DPY19L2: variants seen among roughly 807,000 people sequenced by gnomAD.
DPY19L2 encodes probable C-mannosyltransferase DPY19L2.
In DPY19L2, 34 loss-of-function variants were observed where a neutral mutation model predicts 97.9. The observed-to-expected ratio is 0.35, with a 90% CI of 0.26 to 0.46. DPY19L2 has a LOEUF of 0.46. Among genes scored for constraint, DPY19L2 ranks in the 20% least tolerant of loss-of-function variants. DPY19L2 has a pLI of 1.00. For missense variants in DPY19L2, 623 were observed against 911.4 expected (o/e 0.68, Z 4.07); for synonymous variants, 230 against 307.9 (o/e 0.75, Z 2.65).
chr12:63,633,794 G>A (rs1891142527), intron 6 of DPY19L2, among the ~76,000 whole-genome samples: 2 of 152,166 alleles, frequency 1.3e-5, no homozygotes, highest in African/African-American at 4.8e-5. Context: ...ATTCACAATA[G>A]CAAAGACTTG....
chr12:63,641,763 A>T (rs1413858628), intron 6 of DPY19L2, among the ~76,000 whole-genome samples: 7 of 152,096 alleles, frequency 4.6e-5, no homozygotes, highest in African/African-American at 1.7e-4. Flanking sequence ...ATGCTACTAT[A>T]TTATTGTATG....
chr12:63,666,447 G>A, intron 1 of DPY19L2: 1 of 407,820 alleles, frequency 2.5e-6, no homozygotes, highest in South Asian at 1.8e-5. Context: ...AACGCCCCAT[G>A]TATACATAAG....
chr12:63,591,928 A>G (rs1308984233), intron 16 of DPY19L2, among the ~76,000 whole-genome samples: 7 of 141,450 alleles, frequency 4.9e-5, no homozygotes, highest in Non-Finnish European at 1.1e-4. Flanking sequence ...TGGCTGACAG[A>G]GCAAGACTCT....
At chr12:63,592,183 A>AAGGG (rs1226614472) in intron 16 of DPY19L2, among the ~76,000 whole-genome samples, 4 of 147,198 alleles carry the variant, frequency 2.7e-5, no homozygotes, top group African/African-American at 1.0e-4. Flanking sequence ...GGAAGGGAGG[A>AAGGG]AGGGAGGGAG....
chr12:63,598,868 A>ATT (rs1348369657), intron 13 of DPY19L2, among the ~76,000 whole-genome samples: 11 of 145,234 alleles, frequency 7.6e-5, no homozygotes, highest in African/African-American at 2.3e-4. Context: ...GTGTGTTTGC[A>ATT]TTTTTTTTTT....
chr12:63,641,936 C>T (rs991662764), intron 6 of DPY19L2, among the ~76,000 whole-genome samples: 1 of 152,044 alleles, frequency 6.6e-6, no homozygotes, highest in Non-Finnish European at 1.5e-5. Context: ...GATGAAAGCT[C>T]CTTTATCAAT....
At chr12:63,636,560 C>CA (rs1410161804) in intron 6 of DPY19L2, among the ~76,000 whole-genome samples, 2 of 149,940 alleles carry the variant, frequency 1.3e-5, no homozygotes, top group Admixed American at 1.3e-4. Flanking sequence ...CACATAGGCT[C>CA]AAAAAAAAGG....
chr12:63,597,971 T>A, intron 13 of DPY19L2, 61 bp from the exon 14 acceptor site: 1 of 1,250,694 alleles, frequency 8.0e-7, no homozygotes. Flanking sequence ...CTATAGACAG[T>A]AATACTTTAT....
At position 63,596,289 on chromosome 12, in the gene DPY19L2, A is replaced by T. The variant is rs573996663; in HGVS notation, c.1462-252T>A. Among the ~76,000 whole-genome samples the T allele has an allele frequency of 2.0e-5, 3 of 152,214 alleles. No individual in the cohort carries two copies. In the South Asian group the frequency reaches 6.2e-4, roughly 32 times the overall value. On this transcript the variant is annotated intron_variant, in intron 14 of 21. Transcript: ENST00000324472. Reference sequence around the variant, plus strand: ...ATTTTAATAAAACTAGAATTGCTATATCTATTTTTTCTTTTCTGTTTTTTA... The same window carrying T: ...ATTTTAATAAAACTAGAATTGCTATTTCTATTTTTTCTTTTCTGTTTTTTA...
At chr12:63,667,669 T>TG (rs1225569976) in intron 1 of DPY19L2, among the ~76,000 whole-genome samples, 1 of 151,986 alleles carries the variant, frequency 6.6e-6, no homozygotes, top group African/African-American at 2.4e-5. Flanking sequence ...AGAAAAGGAA[T>TG]TCTCTCTCCT....
intron 16 of DPY19L2, among the ~76,000 whole-genome samples, chr12:63,585,636 A>G (rs914381932): frequency 3.3e-5 from 5 of 152,140 alleles, no homozygotes; most frequent in Admixed American, 2.0e-4. Context: ...GTGAGTAATT[A>G]TTATAATCAC....
chr12:63,594,653 T>C (rs978863758), intron 15 of DPY19L2, among the ~76,000 whole-genome samples: 1 of 60,188 alleles, frequency 1.7e-5, no homozygotes, highest in African/African-American at 1.4e-4. Context: ...TGTGCGTGTC[T>C]GTGTGTGTGT....
At chr12:63,637,126 GAA>G (rs1249797082) in intron 6 of DPY19L2, among the ~76,000 whole-genome samples, 16 of 152,168 alleles carry the variant, frequency 1.1e-4, no homozygotes, top group Admixed American at 6.6e-5. Flanking sequence ...TCAGGATTAA[GAA>G]ACTCACTCAA....
At chr12:63,668,518 C>T (rs916846544), upstream of DPY19L2, 6 of 1,020,002 alleles carry the variant, frequency 5.9e-6, no homozygotes, top group Non-Finnish European at 8.3e-6. Context: ...TTGCGGACCT[C>T]CCGGTCGTCA....
Position 63,668,080 on chromosome 12 carries a change from G to C in DPY19L2, c.314C>G (p.Ser105Cys). The C allele has an allele frequency of 1.2e-6, 2 of 1,613,964 alleles. No homozygotes were observed. Among genetic ancestry groups the C allele is most frequent in the African/African-American group, 1.3e-5 (1 of 75,022 alleles). The change falls in exon 1 of 22, where the codon TCC (serine) becomes TGC (cysteine). Residue 105 changes from serine (S) to cysteine (C), a missense_variant. Physicochemically the swap from Ser to Cys is moderately radical, Grantham distance 112. This residue lies in a region of DPY19L2 where 84 missense variants were observed against 125.4 expected (regional missense o/e 0.67). Coordinates refer to ENST00000324472, the MANE Select transcript of DPY19L2 (RefSeq NM_173812.5). ...ACCGATGCCGAGAGTGGTTCTGCTG[G>C]AGAACCGCCGCGCCTGCAGTTCCTG... ...KVQELQARRF[S>C]SRTTLGIAVF...
At chr12:63,664,988 GTAAA>G (rs1309087286) in intron 2 of DPY19L2, among the ~76,000 whole-genome samples, 3 of 152,022 alleles carry the variant, frequency 2.0e-5, no homozygotes, top group Non-Finnish European at 4.4e-5. Context: ...CTGAGCACAG[GTAAA>G]AATAAAATAT....
chr12:63,629,123 G>C (rs1465796731), intron 6 of DPY19L2, among the ~76,000 whole-genome samples: 10 of 152,210 alleles, frequency 6.6e-5, no homozygotes, highest in Non-Finnish European at 1.5e-4. Flanking sequence ...GGAAAAAACA[G>C]AGCAGAAAAA....
At chr12:63,581,928 G>A (rs531637363) in intron 18 of DPY19L2, among the ~76,000 whole-genome samples, 3 of 151,022 alleles carry the variant, frequency 2.0e-5, no homozygotes, top group Non-Finnish European at 4.4e-5. Context: ...AGCCTCCCAG[G>A]TAGCTGGAAT....
chr12:63,629,376 C>T (rs923354667), intron 6 of DPY19L2, among the ~76,000 whole-genome samples: 20 of 152,000 alleles, frequency 1.3e-4, no homozygotes, highest in African/African-American at 2.4e-4. Flanking sequence ...CTTAAAGGAC[C>T]GGATGCAGCT....
Sources: allele counts gnomAD v4.1 joint callset (sites outside exome capture counted in the v4.1 genomes callset), GRCh38; gene constraint gnomAD v4.1.1; regional missense constraint gnomAD v4.1.1; transcripts MANE v1.5; gene names NCBI Gene and HGNC (gene_info 2026-07-23, HGNC 2026-07-21).